Variants in PVR observed in about 807,000 individuals in gnomAD.
The protein encoded by PVR is poliovirus receptor.
In PVR, 39 loss-of-function variants were observed where a neutral mutation model predicts 43.3. That is an observed-to-expected ratio of 0.90 (90% CI 0.70 to 1.18). The LOEUF (loss-of-function observed/expected upper bound fraction) is 1.18. PVR is among the 50% of genes most tolerant of loss of function. PVR has a pLI of 0.00. For missense variants in PVR, 480 were observed against 549.7 expected, an observed-to-expected ratio of 0.87 and a Z score of 1.27; for synonymous variants, 224 against 233.2, an observed-to-expected ratio of 0.96 and a Z score of 0.36.
rs376591350 is a variant in PVR at position 44,653,976 on chromosome 19, T to C, written c.801T>C (p.Asp267=). The change falls in exon 4 of 8, where the codon GAT becomes GAC. Residue 267 remains aspartate, a synonymous_variant. Transcript: ENST00000425690. ...LGQNEATLTC[D]ARSNPEPTGY... ...AGAATGAGGCCACCCTGACCTGCGA[T>C]GCTCGCAGCAACCCAGAGCCCACAG... is the stretch of plus-strand genomic sequence containing the variant. 1.2e-6 allele frequency: 2 copies of C among 1,614,196 alleles called. No individual in the cohort carries two copies. The highest frequency in any genetic ancestry group is 1.1e-5 in the South Asian group (1 of 91,088).
intron 6 of PVR, among the ~76,000 whole-genome samples, chr19:44,660,389 G>T (rs1973561510): frequency 6.6e-6 from 1 of 152,180 alleles, no homozygotes; most frequent in African/African-American, 2.4e-5. Context: ...TAATACAGTA[G>T]AGCACTTAAC....
intron 3 of PVR, among the ~76,000 whole-genome samples, chr19:44,651,993 TA>T (rs1307404939): frequency 3.3e-5 from 5 of 150,378 alleles, no homozygotes; most frequent in African/African-American, 1.2e-4. Context: ...CTGTCTTCAC[TA>T]AAAAATACAA....
At position 44,654,645 on chromosome 19, in the gene PVR, C is replaced by T. The variant is rs561085420; in HGVS notation, c.842+628C>T. Reference sequence around the variant, plus strand: ...CAGAAGCGGCCCTTGAATCAGCGCTCGGCTCCAAAGCTGGTCCTCCGCCTC... The same window carrying T: ...CAGAAGCGGCCCTTGAATCAGCGCTTGGCTCCAAAGCTGGTCCTCCGCCTC... On this transcript the variant is annotated intron_variant, in intron 4 of 7. Coordinates refer to ENST00000425690, the MANE Select transcript of PVR (RefSeq NM_006505.5). 2.6e-5 allele frequency among the ~76,000 whole-genome samples: 4 copies of T among 152,336 alleles called. No individual in the cohort carries two copies. In the South Asian group the frequency reaches 8.3e-4, roughly 32 times the overall value.
chr19:44,647,450 C>T lies in PVR; in HGVS notation c.307C>T (p.Leu103=). 6.2e-7 allele frequency: 1 copy of T among 1,614,142 alleles called. No individual in the cohort carries two copies. The highest frequency in any genetic ancestry group is 1.1e-5 in the South Asian group (1 of 91,072). Residue 103 remains leucine, a synonymous_variant, in exon 2 of 8, where the codon CTG becomes TTG. Coordinates refer to ENST00000425690, the MANE Select transcript of PVR (RefSeq NM_006505.5). ...EFVAARLGAE[L]RNASLRMFGL... is the part of the protein sequence containing the mutation. Reference sequence around the variant, plus strand: ...CGTGGCAGCCAGACTGGGCGCGGAGCTGCGGAATGCCTCGCTGAGGATGTT... The same window carrying T: ...CGTGGCAGCCAGACTGGGCGCGGAGTTGCGGAATGCCTCGCTGAGGATGTT...
At position 44,647,542 on chromosome 19, in the gene PVR, G is replaced by T; in HGVS notation, c.399G>T (p.Arg133Ser). Residue 133 changes from arginine (R) to serine (S), a missense_variant, in exon 2 of 8, where the codon AGG becomes AGT. Arg to Ser is a moderately radical substitution (Grantham distance 110, BLOSUM62 -1). Transcript: ENST00000425690. ...TCGTCACGTTCCCGCAGGGCAGCAG[G>T]AGCGTGGATATCTGGCTCCGAGTGC... ...CLFVTFPQGS[R>S]SVDIWLRVLA... The T allele has an allele frequency of 6.2e-7, 1 of 1,613,430 alleles. No individual in the cohort carries two copies.
chr19:44,654,613 G>A (rs1239604893), intron 4 of PVR, among the ~76,000 whole-genome samples: 1 of 152,226 alleles, frequency 6.6e-6, no homozygotes, highest in Non-Finnish European at 1.5e-5. Context: ...GACCAGCCAC[G>A]AGAGGGCAGA....
At chr19:44,650,365 G>T (rs919462876) in intron 3 of PVR, among the ~76,000 whole-genome samples, 1 of 152,048 alleles carries the variant, frequency 6.6e-6, no homozygotes, top group Admixed American at 6.5e-5. Context: ...TCCTCTAGCG[G>T]CTGTCTGCAC....
chr19:44,653,909 A>C lies in PVR; in HGVS notation c.734A>C (p.Glu245Ala). 1.2e-6 allele frequency: 2 copies of C among 1,612,732 alleles called. No homozygotes were observed. The highest frequency in any genetic ancestry group is 1.7e-6 in the Non-Finnish European group (2 of 1,178,700). ...TATCCATTTCCTGCAGACCCCCCAG[A>C]GGTATCCATCTCTGGCTATGATAAC... ...TVNLTVYYPP[E>A]VSISGYDNNW... Residue 245 changes from glutamate (E) to alanine (A), a missense_variant, in exon 4 of 8, where the codon GAG (glutamate) becomes GCG (alanine). By Grantham distance (107) the Glu-to-Ala change is moderately radical. Coordinates refer to ENST00000425690, the MANE Select transcript of PVR (RefSeq NM_006505.5).
At position 44,644,151 on chromosome 19, in the gene PVR, C is replaced by T; in HGVS notation, c.55C>T (p.Leu19=). 1.3e-6 allele frequency: 2 copies of T among 1,513,144 alleles called. No homozygotes were observed. Among genetic ancestry groups the T allele is most frequent in the Non-Finnish European group, 1.8e-6 (2 of 1,135,958 alleles). 93.7% of individuals were successfully genotyped at this position (1,513,144 alleles called of 1,614,324 possible). ...GCTGCTGCTGGTGGCGCTACTGGTG[C>T]TGTCCTGGCCACCCCCAGGAACCGG... ...WPLLLVALLV[L]SWPPPGTGDV... is the part of the protein sequence containing the mutation. The change falls in exon 1 of 8, where the codon CTG becomes TTG. Residue 19 remains leucine, a synonymous_variant. Transcript: ENST00000425690.
chr19:44,652,344 G>C (rs549132083), intron 3 of PVR, among the ~76,000 whole-genome samples: 1 of 151,770 alleles, frequency 6.6e-6, no homozygotes, highest in South Asian at 2.1e-4. Context: ...GACTACAGGC[G>C]TGTGACACCA....
chr19:44,659,703 A>T (rs1347651119), intron 6 of PVR, among the ~76,000 whole-genome samples: 2 of 152,106 alleles, frequency 1.3e-5, no homozygotes, highest in African/African-American at 4.8e-5. Context: ...GCTGGTCTCA[A>T]ACCCCTGGTC....
chr19:44,659,013 T>TCAAA, intron 6 of PVR, 113 bp downstream of exon 6: 2 of 998,850 alleles, frequency 2.0e-6, no homozygotes, highest in Non-Finnish European at 3.0e-6. Context: ...TTTCCCCCAT[T>TCAAA]TGACTGATGA....
Position 44,655,947 on chromosome 19 carries a change from GCAGC to G in PVR, c.843-1813_843-1810del, listed in dbSNP as rs1009036764. 9.4e-5 allele frequency among the ~76,000 whole-genome samples: 13 copies of G among 138,254 alleles called. 1 individual carries two copies. The highest frequency in any genetic ancestry group is 3.0e-4 in the African/African-American group (11 of 36,510). 90.7% of individuals were successfully genotyped at this position (138,254 alleles called of 152,430 possible). ...TGCCGTGGCACAATCACAGCTCACTGCAGCCTTGAATTCCTGGGCTCAAGCGATC... is the reference window on the plus strand; with the variant it reads ...TGCCGTGGCACAATCACAGCTCACTGCTTGAATTCCTGGGCTCAAGCGATC... On this transcript the variant is annotated intron_variant, in intron 4 of 7. Coordinates refer to ENST00000425690, the MANE Select transcript of PVR (RefSeq NM_006505.5).
At chr19:44,651,898 G>A (rs1973290801) in intron 3 of PVR, among the ~76,000 whole-genome samples, 1 of 152,228 alleles carries the variant, frequency 6.6e-6, no homozygotes, top group African/African-American at 2.4e-5. Flanking sequence ...GCTCACGCCT[G>A]TAATCCCAGC....
intron 2 of PVR, 97 bp downstream of exon 2, chr19:44,647,667 AGATT>A: frequency 1.3e-6 from 1 of 754,218 alleles, no homozygotes; most frequent in Non-Finnish European, 1.9e-6. Context: ...GGAGGGAGGG[AGATT>A]CCCTCCACAG....
At position 44,657,928 on chromosome 19, in the gene PVR, T is replaced by G; in HGVS notation, c.991+18T>G. Reference sequence around the variant, plus strand: ...GGTCAAAGGTGAGGAACTCCCTGGGTGGGAAGAACAGGGACCAAAGGAAGA... The same window carrying G: ...GGTCAAAGGTGAGGAACTCCCTGGGGGGGAAGAACAGGGACCAAAGGAAGA... On this transcript the variant is annotated intron_variant, in intron 5 of 7. Coordinates refer to ENST00000425690, the MANE Select transcript of PVR (RefSeq NM_006505.5). 2 of 1,611,842 alleles carry G rather than the reference T, an allele frequency of 1.2e-6. No individual in the cohort carries two copies. The highest frequency in any genetic ancestry group is 2.2e-5 in the South Asian group (2 of 90,898).
chr19:44,664,284 T>C lies in PVR; in HGVS notation c.*2473T>C, dbSNP rs1179965165. The C allele has an allele frequency of 2.0e-5, 3 of 152,000 alleles. No homozygotes were observed. Among genetic ancestry groups the C allele is most frequent in the East Asian group, 1.9e-4 (1 of 5,174 alleles). The allele number at this position is 152,000 out of a possible 1,614,324, so 9.4% of individuals were successfully genotyped here. ...AGTGCAGTGGCGTGATCATGGCTCATTGCAGCCTCGACCTGCTGGGCTCGG... is the reference window on the plus strand; with the variant it reads ...AGTGCAGTGGCGTGATCATGGCTCACTGCAGCCTCGACCTGCTGGGCTCGG... On this transcript the variant is annotated 3_prime_UTR_variant, in exon 8 of 8. Coordinates refer to ENST00000425690, the MANE Select transcript of PVR (RefSeq NM_006505.5).
rs902432811 is a variant in PVR at position 44,663,552 on chromosome 19, A to G, written c.*1741A>G. The G allele has an allele frequency of 2.6e-5, 4 of 152,264 alleles. No individual in the cohort carries two copies. The highest frequency in any genetic ancestry group is 9.6e-5 in the African/African-American group (4 of 41,544). The allele number at this position is 152,264 out of a possible 1,614,324, so 9.4% of individuals were successfully genotyped here. ...CTCCTTGTCTGTCTCCAGCACCCAG[A>G]ATCTCATTAAAGCTTATTTATTGTA... On this transcript the variant is annotated 3_prime_UTR_variant, in exon 8 of 8. Transcript: ENST00000425690.
At chr19:44,650,218 C>T in intron 3 of PVR, 113 bp downstream of exon 3, 1 of 1,050,368 alleles carries the variant, frequency 9.5e-7, no homozygotes, top group Non-Finnish European at 1.3e-6. Flanking sequence ...TGCACCGGCT[C>T]CCCTGACTCC....
Sources: allele counts gnomAD v4.1 joint callset (sites outside exome capture counted in the v4.1 genomes callset), GRCh38; gene constraint gnomAD v4.1.1; transcripts MANE v1.5; gene names NCBI Gene and HGNC (gene_info 2026-07-23, HGNC 2026-07-21).